The following CYREN variants were observed in gnomAD, a reference collection of about 807,000 sequenced individuals.
CYREN encodes cell cycle regulator of non-homologous end joining.
Under a neutral mutation model 9.7 loss-of-function variants are expected in CYREN, and 7 were observed. That is an observed-to-expected ratio of 0.72 (90% CI 0.41 to 1.36). The LOEUF (loss-of-function observed/expected upper bound fraction) is 1.36. CYREN is among the 40% of genes most tolerant of loss of function. CYREN has a pLI of 0.01. For missense variants in CYREN, 215 were observed against 198.1 expected, an observed-to-expected ratio of 1.09 and a Z score of -0.51; for synonymous variants, 76 against 77.9, an observed-to-expected ratio of 0.98 and a Z score of 0.13.
chr7:135,109,462 G>T (rs35614245), intron 2 of CYREN, among the ~76,000 whole-genome samples: 66,803 of 151,646 alleles, frequency 0.44, 15,312 homozygotes, highest in East Asian at 0.77. Flanking sequence ...CAGGATGGGG[G>T]CCCACATAAC....
At chr7:135,155,475 G>A (rs1829767464) in intron 2 of CYREN, among the ~76,000 whole-genome samples, 1 of 152,070 alleles carries the variant, frequency 6.6e-6, no homozygotes, top group South Asian at 2.1e-4. Flanking sequence ...CTCTTCCTTT[G>A]TATGATTGTT....
At chr7:135,137,750 G>A (rs538917178) in intron 2 of CYREN, among the ~76,000 whole-genome samples, 1 of 152,136 alleles carries the variant, frequency 6.6e-6, no homozygotes, top group South Asian at 2.1e-4. Flanking sequence ...CATAAACTAG[G>A]CTGCTTAATG....
Position 135,095,843 on chromosome 7 carries a change from A to G in CYREN, n.357-1261T>C, listed in dbSNP as rs74811174. 4.9e-3 allele frequency among the ~76,000 whole-genome samples: 746 copies of G among 152,270 alleles called. 26 individuals carry two copies. The East Asian group carries it at 0.06, about 12-fold the overall frequency. The stretch of plus-strand genomic sequence containing the variant: ...TGAAGTGCAACTTAAGTGTGTTGCA[A>G]TCTGGAGTGCTAACAATTCATCTTT... On this transcript the variant is annotated intron_variant and non_coding_transcript_variant, in intron 2 of 2. Coordinates refer to the CYREN transcript ENST00000459937.
chr7:135,140,062 C>G (rs1023069817), intron 2 of CYREN, among the ~76,000 whole-genome samples: 2 of 142,366 alleles, frequency 1.4e-5, no homozygotes, highest in African/African-American at 5.1e-5. Flanking sequence ...TTTGGATCCA[C>G]ATGAATTTTA....
chr7:135,124,171 T>A (rs1358996356), intron 2 of CYREN, among the ~76,000 whole-genome samples: 1 of 148,452 alleles, frequency 6.7e-6, no homozygotes, highest in Non-Finnish European at 1.5e-5. Flanking sequence ...AAGACACACA[T>A]AGGCTCAAAA....
intron 2 of CYREN, chr7:135,168,110 G>A: frequency 2.4e-6 from 1 of 419,850 alleles, no homozygotes; most frequent in Non-Finnish European, 4.4e-6. Flanking sequence ...GCAAGAGGAA[G>A]GGAACCTCGG....
In CYREN at chr7:135,166,581, C is replaced by A; in HGVS notation, c.*30G>T. 1 of 1,541,418 alleles carries A rather than the reference C, an allele frequency of 6.5e-7. No homozygotes were observed. Among genetic ancestry groups the A allele is most frequent in the Non-Finnish European group, 8.7e-7 (1 of 1,146,006 alleles). On this transcript the variant is annotated 3_prime_UTR_variant, in exon 4 of 4. Transcript: ENST00000393114. ...AGCTCAGCTGTCCTCCAGCTGCTCT[C>A]GGCAGACAGTTCAGTGCACAGTTTA... is the stretch of plus-strand genomic sequence containing the variant.
rs1428918066 is a variant in CYREN, at chr7:135,151,764, T to C, written n.356+16985A>G. Among the ~76,000 whole-genome samples the C allele has an allele frequency of 6.6e-6, 1 of 152,210 alleles. No individual in the cohort carries two copies. Among genetic ancestry groups the C allele is most frequent in the African/African-American group, 2.4e-5 (1 of 41,448 alleles). On this transcript the variant is annotated intron_variant and non_coding_transcript_variant, in intron 2 of 2. Coordinates refer to the CYREN transcript ENST00000459937. The surrounding 1 kb of genome is among the most constrained non-coding windows in gnomAD (Gnocchi z 4.3). Reference sequence around the variant, plus strand: ...GAGGATGTGAGGCTCAGGCTGGCTATGTAACTTGCCCAAGGTCATATGACT... The same window carrying C: ...GAGGATGTGAGGCTCAGGCTGGCTACGTAACTTGCCCAAGGTCATATGACT...
chr7:135,103,378 T>C (rs1049451161), intron 2 of CYREN, among the ~76,000 whole-genome samples: 4 of 152,164 alleles, frequency 2.6e-5, no homozygotes, highest in African/African-American at 4.8e-5. Flanking sequence ...TCCAAAAATA[T>C]ACTCTCACAA....
intron 2 of CYREN, among the ~76,000 whole-genome samples, chr7:135,121,525 T>C (rs145964095): frequency 5.8e-4 from 83 of 142,004 alleles, no homozygotes; most frequent in African/African-American, 2.0e-3. Flanking sequence ...GGAATCCAAC[T>C]AGAAATCAAT....
chr7:135,138,341 G>C (rs922185437), intron 2 of CYREN, among the ~76,000 whole-genome samples: 2 of 151,952 alleles, frequency 1.3e-5, no homozygotes, highest in African/African-American at 4.8e-5. Flanking sequence ...CAATAACAGT[G>C]TATTCAGAAA....
At chr7:135,156,717 C>A (rs1211097894) in intron 2 of CYREN, among the ~76,000 whole-genome samples, 1 of 152,066 alleles carries the variant, frequency 6.6e-6, no homozygotes, top group Admixed American at 6.5e-5. Flanking sequence ...TTGAAGAATT[C>A]TCTTTGATTG....
intron 3 of CYREN, chr7:135,167,170 AGAACCCAG>A (rs1430722433): frequency 4.1e-6 from 4 of 985,326 alleles, no homozygotes; most frequent in Admixed American, 6.1e-5. Context: ...GGCCGGTGAC[AGAACCCAG>A]GATACAAAAC....
chr7:135,158,968 C>G (rs1404775849), intron 2 of CYREN, among the ~76,000 whole-genome samples: 2 of 152,236 alleles, frequency 1.3e-5, no homozygotes, highest in African/African-American at 4.8e-5. Flanking sequence ...AATGTTTAGG[C>G]AGCTCCGAAT....
At chr7:135,139,272 G>A (rs1341460813) in intron 2 of CYREN, among the ~76,000 whole-genome samples, 5 of 151,736 alleles carry the variant, frequency 3.3e-5, no homozygotes, top group Non-Finnish European at 7.4e-5. Flanking sequence ...TTTAACAATA[G>A]CCATTCTGAC....
At chr7:135,162,965 A>G (rs1356082662), downstream of CYREN, among the ~76,000 whole-genome samples, 6 of 152,252 alleles carry the variant, frequency 3.9e-5, no homozygotes, top group Admixed American at 3.9e-4. Flanking sequence ...TAGGCCAGTT[A>G]GGCAGTATTT....
intron 2 of CYREN, among the ~76,000 whole-genome samples, chr7:135,100,353 T>C (rs535327583): frequency 6.6e-6 from 1 of 152,152 alleles, no homozygotes; most frequent in Non-Finnish European, 1.5e-5. Context: ...GGAAGTCAAA[T>C]ATAACAGACA....
chr7:135,101,184 T>C, intron 2 of CYREN: 1 of 456,184 alleles, frequency 2.2e-6, no homozygotes, highest in Non-Finnish European at 4.4e-6. Context: ...GGGAACTGAT[T>C]TGTATGGAAA....
At chr7:135,104,584 G>A (rs1585137786) in intron 2 of CYREN, among the ~76,000 whole-genome samples, 1 of 151,984 alleles carries the variant, frequency 6.6e-6, no homozygotes, top group South Asian at 2.1e-4. Context: ...AACCTTGCCG[G>A]CATTTGTTAT....
Sources: allele counts gnomAD v4.1 joint callset (sites outside exome capture counted in the v4.1 genomes callset), GRCh38; gene constraint gnomAD v4.1.1; non-coding constraint Gnocchi (gnomAD v3.1); transcripts MANE v1.5; gene names NCBI Gene and HGNC (gene_info 2026-07-23, HGNC 2026-07-21).